Variants in FOXP1 observed in about 807,000 individuals in gnomAD.
FOXP1 encodes forkhead box P1, also known as forkhead box protein P1.
In FOXP1, 15 loss-of-function variants were observed where a neutral mutation model predicts 98.2. That is an observed-to-expected ratio of 0.15 (90% CI 0.10 to 0.24). FOXP1 has a LOEUF of 0.24. Ranked by LOEUF, FOXP1 falls within the 10% of genes least tolerant of loss-of-function variation. FOXP1 has a pLI of 1.00. For missense variants in FOXP1, 633 were observed against 848.5 expected, an observed-to-expected ratio of 0.75 and a Z score of 3.15; for synonymous variants, 371 against 314.5, an observed-to-expected ratio of 1.18 and a Z score of -1.90.
intron 5 of FOXP1, among the ~76,000 whole-genome samples, chr3:71,258,429 G>T (rs557601707): frequency 3.7e-4 from 56 of 152,320 alleles, no homozygotes; most frequent in African/African-American, 1.3e-3. Flanking sequence ...AAGGGGTCTG[G>T]TATAAGCTCT....
intron 5 of FOXP1, among the ~76,000 whole-genome samples, chr3:71,216,419 G>A (rs970217330): frequency 2.0e-5 from 3 of 152,112 alleles, no homozygotes; most frequent in Non-Finnish European, 2.9e-5. Context: ...CTGAATGCCC[G>A]TCAACTCAAG....
intron 5 of FOXP1, among the ~76,000 whole-genome samples, chr3:71,198,725 CT>C (rs2108385995): frequency 6.6e-6 from 1 of 151,776 alleles, no homozygotes; most frequent in East Asian, 1.9e-4. Flanking sequence ...TGGAGCACGG[CT>C]CAGTCGCCCA....
chr3:71,415,664 G>A (rs1230323403), intron 3 of FOXP1, among the ~76,000 whole-genome samples: 2 of 151,424 alleles, frequency 1.3e-5, no homozygotes, highest in Non-Finnish European at 2.9e-5. Context: ...ATTAGGAAGT[G>A]TAAGTGTAAG....
At chr3:70,978,616 A>G (rs912686864) in intron 14 of FOXP1, among the ~76,000 whole-genome samples, 14 of 152,222 alleles carry the variant, frequency 9.2e-5, no homozygotes, top group Non-Finnish European at 1.5e-5. Flanking sequence ...GGAAGAGCCT[A>G]CTGAGCTCCC....
chr3:70,965,762 A>G, intron 20 of FOXP1, 128 bp downstream of exon 20: 1 of 970,396 alleles, frequency 1.0e-6, no homozygotes, highest in Non-Finnish European at 1.7e-6. Flanking sequence ...ACAAACTTCT[A>G]GCTTGGTTCT....
At chr3:71,136,544 A>T (rs2059828776) in intron 6 of FOXP1, among the ~76,000 whole-genome samples, 1 of 152,270 alleles carries the variant, frequency 6.6e-6, no homozygotes, top group Non-Finnish European at 1.5e-5. Context: ...TAGACATATT[A>T]GCTGCAAAAT....
At chr3:71,331,101 G>C (rs2076264247) in intron 4 of FOXP1, among the ~76,000 whole-genome samples, 1 of 152,236 alleles carries the variant, frequency 6.6e-6, no homozygotes, top group Non-Finnish European at 1.5e-5. Context: ...CAAGGCCGGA[G>C]ACGGCTCCCT....
Position 70,958,624 on chromosome 3 carries a change from G to C in FOXP1, c.*623C>G, listed in dbSNP as rs1207982389. 1.3e-5 allele frequency: 2 copies of C among 154,746 alleles called. No homozygotes were observed. The highest frequency in any genetic ancestry group is 2.5e-3 in the Middle Eastern group (1 of 406). The allele number at this position is 154,746 out of a possible 1,614,324, so 9.6% of individuals were successfully genotyped here. A position where few individuals can be genotyped will look rare whatever the true frequency, so the allele number is the denominator to read the frequency against. On this transcript the variant is annotated 3_prime_UTR_variant, in exon 21 of 21. Transcript: ENST00000649528. ...TGAGGTCAGAACTTAAAATGGTATA[G>C]TAGAAGGAAAAAAAAAAAAAAAAAA...
At chr3:71,134,742 T>A (rs913960250) in intron 6 of FOXP1, among the ~76,000 whole-genome samples, 1 of 152,082 alleles carries the variant, frequency 6.6e-6, no homozygotes, top group African/African-American at 2.4e-5. Context: ...CTTCTGATGA[T>A]GAAATACAAA....
chr3:71,377,578 T>G (rs2079817344), intron 3 of FOXP1, among the ~76,000 whole-genome samples: 3 of 152,186 alleles, frequency 2.0e-5, no homozygotes, highest in East Asian at 1.9e-4. Flanking sequence ...AGTTCCTAAG[T>G]AGCTAAACCA....
chr3:71,244,467 T>A (rs1276856904), intron 5 of FOXP1, among the ~76,000 whole-genome samples: 1 of 133,548 alleles, frequency 7.5e-6, no homozygotes, highest in Non-Finnish European at 1.5e-5. Flanking sequence ...CTCAAGACCA[T>A]GAGGATTTGG....
At chr3:71,420,272 G>A (rs1263548027) in intron 3 of FOXP1, among the ~76,000 whole-genome samples, 20 of 152,126 alleles carry the variant, frequency 1.3e-4, no homozygotes, top group African/African-American at 4.8e-4. Flanking sequence ...AATGTATAAA[G>A]AGGAGGCAAA....
chr3:71,114,531 A>C (rs1361449877), intron 6 of FOXP1, among the ~76,000 whole-genome samples: 1 of 152,222 alleles, frequency 6.6e-6, no homozygotes, highest in Non-Finnish European at 1.5e-5. Context: ...AAAGCTAAGA[A>C]ACACAAGCAC....
At chr3:71,292,996 C>A (rs1204052271) in intron 5 of FOXP1, among the ~76,000 whole-genome samples, 3 of 152,172 alleles carry the variant, frequency 2.0e-5, no homozygotes, top group Non-Finnish European at 4.4e-5. Context: ...TAAATGGGCT[C>A]ATAAAATAAG....
At chr3:71,080,024 A>G (rs2054239822) in intron 7 of FOXP1, among the ~76,000 whole-genome samples, 1 of 152,260 alleles carries the variant, frequency 6.6e-6, no homozygotes, top group South Asian at 2.1e-4. Flanking sequence ...ATTTCAGAGC[A>G]GGACCCCCAA....
chr3:71,121,110 G>A (rs1575825780), intron 6 of FOXP1, among the ~76,000 whole-genome samples: 1 of 149,670 alleles, frequency 6.7e-6, no homozygotes, highest in East Asian at 2.0e-4. Flanking sequence ...CCTGCACCAC[G>A]TCATGATTTG....
At chr3:71,576,780 A>C (rs1028461836) in intron 2 of FOXP1, among the ~76,000 whole-genome samples, 1 of 152,190 alleles carries the variant, frequency 6.6e-6, no homozygotes, top group Non-Finnish European at 1.5e-5. Context: ...CTTTTGAAAT[A>C]AAACAGCTTG....
At chr3:71,198,488 T>C in intron 5 of FOXP1, 96 bp from the exon 6 acceptor site, 1 of 1,125,054 alleles carries the variant, frequency 8.9e-7, no homozygotes, top group Non-Finnish European at 1.3e-6. Flanking sequence ...AGGGCCTTGG[T>C]TTAAATGTTG....
chr3:71,213,315 T>A (rs770244921), intron 5 of FOXP1, among the ~76,000 whole-genome samples: 7 of 152,250 alleles, frequency 4.6e-5, no homozygotes. Context: ...ACTACAGGCA[T>A]CTGCCTATTT....
Sources: allele counts gnomAD v4.1 joint callset (sites outside exome capture counted in the v4.1 genomes callset), GRCh38; gene constraint gnomAD v4.1.1; transcripts MANE v1.5; gene names NCBI Gene and HGNC (gene_info 2026-07-23, HGNC 2026-07-21).